SYCP2: variants seen among roughly 807,000 people sequenced by gnomAD.
SYCP2 encodes synaptonemal complex protein 2, also known as synaptonemal complex lateral element protein.
In SYCP2, 55 loss-of-function variants were observed where a neutral mutation model predicts 211.3. The observed-to-expected ratio is 0.26, with a 90% CI of 0.21 to 0.33. The LOEUF is 0.33. SYCP2 is among the 10% of genes least tolerant of loss of function. The pLI, the probability that SYCP2 is intolerant of heterozygous loss-of-function variation, is 1.00. For synonymous variants in SYCP2, 570 were observed against 555.2 expected (o/e 1.03, Z -0.37); for missense variants, 1,731 against 1,752.0 (o/e 0.99, Z 0.21).
intron 15 of SYCP2, among the ~76,000 whole-genome samples, chr20:59,903,192 T>C (rs1009101042): frequency 6.6e-6 from 1 of 152,150 alleles, no homozygotes; most frequent in East Asian, 1.9e-4. Flanking sequence ...AAATTCCTGA[T>C]ATTTGCTCTG....
chr20:59,930,822 T>A (rs2060725278), intron 2 of SYCP2, among the ~76,000 whole-genome samples: 1 of 152,158 alleles, frequency 6.6e-6, no homozygotes, highest in South Asian at 2.1e-4. Context: ...ATTTAAGAAT[T>A]TTTTAAAGAA....
At chr20:59,903,605 C>A (rs1039311593) in intron 15 of SYCP2, among the ~76,000 whole-genome samples, 4 of 152,088 alleles carry the variant, frequency 2.6e-5, no homozygotes, top group African/African-American at 9.7e-5. Context: ...AGACAAATAT[C>A]TTCTGTTTAC....
In SYCP2 at chr20:59,907,346, A is replaced by C. The variant is rs773751392; in HGVS notation, c.1033+18T>G. On this transcript the variant is annotated intron_variant, in intron 15 of 44. Transcript: ENST00000357552. ...GGTAAGAATTAAGAAAATTATTAGA[A>C]AAAAACAAGTTTAATACCTTCAATG... 6 of 1,553,806 alleles carry C rather than the reference A, an allele frequency of 3.9e-6. No homozygotes were observed. Among genetic ancestry groups the C allele is most frequent in the Non-Finnish European group, 5.3e-6 (6 of 1,133,316 alleles).
At chr20:59,883,449 C>T (rs1171493797) in intron 26 of SYCP2, among the ~76,000 whole-genome samples, 1 of 152,054 alleles carries the variant, frequency 6.6e-6, no homozygotes, top group African/African-American at 2.4e-5. Context: ...TAAGTATTCA[C>T]TGACATATGA....
At chr20:59,923,095 T>C (rs1192706359) in intron 2 of SYCP2, among the ~76,000 whole-genome samples, 1 of 151,930 alleles carries the variant, frequency 6.6e-6, no homozygotes, top group African/African-American at 2.4e-5. Flanking sequence ...AATTAATATA[T>C]TGCAATATGG....
intron 18 of SYCP2, among the ~76,000 whole-genome samples, chr20:59,897,110 A>G (rs1316733793): frequency 6.6e-6 from 1 of 152,170 alleles, no homozygotes; most frequent in Non-Finnish European, 1.5e-5. Context: ...GGACAGAAGT[A>G]GATAAGCAGA....
intron 15 of SYCP2, 141 bp from the exon 16 acceptor site, chr20:59,901,951 C>G (rs550947109): frequency 1.2e-5 from 7 of 599,836 alleles, no homozygotes; most frequent in Non-Finnish European, 1.8e-5. Flanking sequence ...TTAATCAATT[C>G]TGGCACTACT....
chr20:59,888,455 C>T (rs1050430495), intron 24 of SYCP2, among the ~76,000 whole-genome samples: 2 of 151,882 alleles, frequency 1.3e-5, no homozygotes, highest in South Asian at 2.1e-4. Context: ...CACAGATTCA[C>T]GATAAAAAAC....
chr20:59,877,360 AT>A, intron 33 of SYCP2, 24 bp downstream of exon 33: 1 of 1,442,728 alleles, frequency 6.9e-7, no homozygotes, highest in Non-Finnish European at 9.2e-7. Context: ...GCTTTTAGAA[AT>A]TAATCTGAAC....
Position 59,884,100 on chromosome 20 carries a change from CATT to C in SYCP2, c.2529+1825_2529+1827del, listed in dbSNP as rs554228394. On this transcript the variant is annotated intron_variant, in intron 26 of 44. Transcript: ENST00000357552. ...ATCCTTTAACCTTAATACTTACTGA[CATT>C]GTTGTACGTAAATAAATGACCTCCT... 3.3e-5 allele frequency among the ~76,000 whole-genome samples: 5 copies of C among 152,110 alleles called. No individual in the cohort carries two copies. The East Asian group carries it at 9.6e-4, about 29-fold the overall frequency.
rs776372437 is a variant in SYCP2 at position 59,868,473 on chromosome 20, C to G, written c.3928G>C (p.Ala1310Pro). 1 of 1,611,328 alleles carries G rather than the reference C, an allele frequency of 6.2e-7. No homozygotes were observed. Among genetic ancestry groups the G allele is most frequent in the Non-Finnish European group, 8.5e-7 (1 of 1,178,436 alleles). Residue 1310 changes from alanine to proline, a missense_variant, in exon 38 of 45, where the codon GCA becomes CCA. Ala to Pro is a conservative substitution (Grantham distance 27). Around this residue, in one of 3 missense-constraint regions of SYCP2, gnomAD observed 1,387 missense variants for 1,351.3 expected, o/e 1.03. Transcript: ENST00000357552. ...VEMEEKGERR[A>P]NLLPKKLCKI... ...CACAGTTTTTTGGGAAGCAAGTTTG[C>G]TCTCCTTTCTCCTTTCTCTTCCATT...
chr20:59,864,866 G>C (rs1338554053), intron 44 of SYCP2, among the ~76,000 whole-genome samples: 1 of 151,958 alleles, frequency 6.6e-6, no homozygotes, highest in Non-Finnish European at 1.5e-5. Flanking sequence ...AAACTCCAAA[G>C]ACATTATCAC....
chr20:59,893,448 G>A, intron 21 of SYCP2, 76 bp downstream of exon 21: 1 of 913,692 alleles, frequency 1.1e-6, no homozygotes, highest in Non-Finnish European at 1.7e-6. Context: ...AAAGCCAGTG[G>A]GGTTAAATGG....
At chr20:59,921,286 C>T (rs2060537130) in intron 4 of SYCP2, 24 bp downstream of exon 4, 3 of 1,564,760 alleles carry the variant, frequency 1.9e-6, no homozygotes, top group African/African-American at 2.8e-5. Flanking sequence ...TTGTAACAAT[C>T]ATTCAGCAAA....
At position 59,865,665 on chromosome 20, in the gene SYCP2, T is replaced by C; in HGVS notation, c.4380-14A>G. The stretch of plus-strand genomic sequence containing the variant: ...AAAAGATGAAGCCTAAGAAGTAAAA[T>C]AATGAGTTAACCTTGTATTTATCAA... On this transcript the variant is annotated splice_polypyrimidine_tract_variant and intron_variant, in intron 42 of 44. Coordinates refer to ENST00000357552, the MANE Select transcript of SYCP2 (RefSeq NM_014258.4). 6.4e-7 allele frequency: 1 copy of C among 1,555,052 alleles called. No homozygotes were observed. The highest frequency in any genetic ancestry group is 8.8e-7 in the Non-Finnish European group (1 of 1,138,114).
At chr20:59,913,089 CTTA>C (rs1568971675) in intron 12 of SYCP2, among the ~76,000 whole-genome samples, 1 of 152,148 alleles carries the variant, frequency 6.6e-6, no homozygotes, top group Non-Finnish European at 1.5e-5. Flanking sequence ...CCTAACTTAG[CTTA>C]TTGTTTCCAT....
rs114833736 is a variant in SYCP2, at chr20:59,867,348, C to G, written c.4125+363G>C. Among the ~76,000 whole-genome samples the G allele has an allele frequency of 3.1e-3, 474 of 151,240 alleles. 6 individuals carry two copies. Among genetic ancestry groups the G allele is most frequent in the African/African-American group, 0.011 (448 of 41,296 alleles). ...AGTAAAACAAAATGAAATGGTATTGCTCTGACTGCAGCTGCTCATTCTTTA... is the reference window on the plus strand; with the variant it reads ...AGTAAAACAAAATGAAATGGTATTGGTCTGACTGCAGCTGCTCATTCTTTA... On this transcript the variant is annotated intron_variant, in intron 39 of 44. Transcript: ENST00000357552.
intron 24 of SYCP2, among the ~76,000 whole-genome samples, chr20:59,891,572 T>C (rs1458615710): frequency 6.6e-6 from 1 of 151,840 alleles, no homozygotes; most frequent in Non-Finnish European, 1.5e-5. Flanking sequence ...CTACTGTGTA[T>C]AAAGGCTGTG....
chr20:59,911,904 TATG>T (rs1262441514), intron 13 of SYCP2, 59 bp from the exon 14 acceptor site: 4 of 784,470 alleles, frequency 5.1e-6, no homozygotes, highest in Admixed American at 2.7e-5. Context: ...AACAGACAAT[TATG>T]ATGTTATATT....
Sources: allele counts gnomAD v4.1 joint callset (sites outside exome capture counted in the v4.1 genomes callset), GRCh38; gene constraint gnomAD v4.1.1; regional missense constraint gnomAD v4.1.1; transcripts MANE v1.5; gene names NCBI Gene and HGNC (gene_info 2026-07-23, HGNC 2026-07-21).